Variants in SNX9 observed in about 807,000 individuals in gnomAD.
SNX9 encodes sorting nexin 9.
Under a neutral mutation model 89.4 loss-of-function variants are expected in SNX9, and 44 were observed. The observed-to-expected ratio is 0.49, with a 90% CI of 0.39 to 0.63. The LOEUF is 0.63. SNX9 is among the 30% of genes least tolerant of loss of function. The pLI, the probability that SNX9 is intolerant of heterozygous loss-of-function variation, is 0.00. For synonymous variants in SNX9, 236 were observed against 247.8 expected (o/e 0.95, Z 0.45); for missense variants, 578 against 736.1 (o/e 0.79, Z 2.49).
intron 1 of SNX9, among the ~76,000 whole-genome samples, chr6:157,862,351 A>T (rs1490854434): frequency 6.6e-6 from 1 of 152,140 alleles, no homozygotes; most frequent in Non-Finnish European, 1.5e-5. Flanking sequence ...ACAATTTTGT[A>T]AGTCATGAAT....
intron 9 of SNX9, among the ~76,000 whole-genome samples, chr6:157,913,841 T>A (rs1305156820): frequency 6.6e-6 from 1 of 152,240 alleles, no homozygotes; most frequent in Non-Finnish European, 1.5e-5. Flanking sequence ...GTTCTTTTCG[T>A]GGCCAATAGT....
intron 5 of SNX9, among the ~76,000 whole-genome samples, chr6:157,898,625 C>G (rs1783029255): frequency 6.6e-6 from 1 of 152,156 alleles, no homozygotes; most frequent in African/African-American, 2.4e-5. Context: ...AATACTGAGG[C>G]AGAAGAGAAA....
chr6:157,882,488 C>T (rs1379748474), intron 4 of SNX9, among the ~76,000 whole-genome samples: 1 of 152,130 alleles, frequency 6.6e-6, no homozygotes, highest in Non-Finnish European at 1.5e-5. Flanking sequence ...GCTATGGCTG[C>T]CATAAATAGT....
intron 15 of SNX9, among the ~76,000 whole-genome samples, chr6:157,938,042 G>C (rs1338122316): frequency 1.3e-5 from 2 of 152,232 alleles, no homozygotes; most frequent in Admixed American, 1.3e-4. Flanking sequence ...TAATGCATGA[G>C]TATAGAGTTG....
intron 1 of SNX9, among the ~76,000 whole-genome samples, chr6:157,840,797 T>C (rs760053419): frequency 1.8e-4 from 27 of 152,306 alleles, no homozygotes; most frequent in South Asian, 8.3e-4. Flanking sequence ...ACCTCTATTA[T>C]TTTGCATTCG....
chr6:157,851,085 A>G lies in SNX9; in HGVS notation c.13-16462A>G, dbSNP rs1781900565. On this transcript the variant is annotated intron_variant, in intron 1 of 17. Transcript: ENST00000392185. ...AACCTGGCCCACATGGTGAAACCCT[A>G]TTTCTACTAAAAATACAAAAAAATT... 2.0e-5 allele frequency among the ~76,000 whole-genome samples: 3 copies of G among 151,974 alleles called. No individual in the cohort carries two copies. In the South Asian group the frequency reaches 6.2e-4, roughly 32 times the overall value.
intron 1 of SNX9, among the ~76,000 whole-genome samples, chr6:157,866,956 G>T (rs1562598594): frequency 3.3e-5 from 5 of 151,754 alleles, no homozygotes. Context: ...TTGTTTGTTT[G>T]TTTTTTTAAG....
chr6:157,926,780 C>CAAAA (rs71027371), intron 10 of SNX9, among the ~76,000 whole-genome samples: 14 of 60,734 alleles, frequency 2.3e-4, no homozygotes, highest in African/African-American at 4.5e-4. Context: ...GACTCTGTCT[C>CAAAA]AAAAAAAAAA....
At chr6:157,861,443 C>T (rs147173520) in intron 1 of SNX9, among the ~76,000 whole-genome samples, 1 of 152,326 alleles carries the variant, frequency 6.6e-6, no homozygotes, top group East Asian at 1.9e-4. Context: ...GCGTGCTCAT[C>T]AGGCTTTCCG....
At chr6:157,869,161 G>A (rs188528235) in intron 2 of SNX9, among the ~76,000 whole-genome samples, 12 of 152,250 alleles carry the variant, frequency 7.9e-5, no homozygotes, top group African/African-American at 2.2e-4. Context: ...ACCTCTCCCC[G>A]GCCTCACTGG....
intron 4 of SNX9, among the ~76,000 whole-genome samples, chr6:157,880,990 C>T (rs538213377): frequency 1.3e-5 from 2 of 152,308 alleles, no homozygotes; most frequent in African/African-American, 4.8e-5. Context: ...ATAGTTATCT[C>T]ATATACCACT....
Position 157,909,906 on chromosome 6 carries a change from A to G in SNX9, c.832-2A>G, listed in dbSNP as rs2115179354. 1 of 1,613,694 alleles carries G rather than the reference A, an allele frequency of 6.2e-7. No homozygotes were observed. Among genetic ancestry groups the G allele is most frequent in the Non-Finnish European group, 8.5e-7 (1 of 1,179,748 alleles). On this transcript the variant is annotated splice_acceptor_variant, in intron 8 of 17. Transcript: ENST00000392185. LOFTEE classifies it high-confidence loss of function. ...ACCTTTTCTCTTTCCCTTATTTTGTAGAACACTAATCGATCTGTAAACCAC... is the reference window on the plus strand; with the variant it reads ...ACCTTTTCTCTTTCCCTTATTTTGTGGAACACTAATCGATCTGTAAACCAC...
At chr6:157,831,907 A>C (rs940058085) in intron 1 of SNX9, among the ~76,000 whole-genome samples, 2 of 152,228 alleles carry the variant, frequency 1.3e-5, no homozygotes, top group African/African-American at 4.8e-5. Context: ...GAATATGTGC[A>C]TGAAAGTGTT....
chr6:157,839,617 A>T (rs930537898), intron 1 of SNX9, among the ~76,000 whole-genome samples: 2 of 152,242 alleles, frequency 1.3e-5, no homozygotes, highest in Non-Finnish European at 2.9e-5. Context: ...AATAATTTAC[A>T]ACAAATTACA....
At chr6:157,865,722 C>T (rs1212012865) in intron 1 of SNX9, among the ~76,000 whole-genome samples, 1 of 152,226 alleles carries the variant, frequency 6.6e-6, no homozygotes, top group African/African-American at 2.4e-5. Flanking sequence ...TTCAAGATAG[C>T]ATTTTGGCTT....
chr6:157,916,885 T>G (rs974765056), intron 9 of SNX9, among the ~76,000 whole-genome samples: 2 of 152,220 alleles, frequency 1.3e-5, no homozygotes, highest in African/African-American at 4.8e-5. Flanking sequence ...TCTTGTAATT[T>G]GTTTGGTTTT....
chr6:157,865,354 A>AC (rs1225660717), intron 1 of SNX9, among the ~76,000 whole-genome samples: 1 of 150,168 alleles, frequency 6.7e-6, no homozygotes, highest in Non-Finnish European at 1.5e-5. Context: ...AAAAAAAAAA[A>AC]AAAAACACCA....
chr6:157,881,269 T>C (rs1373170004), intron 4 of SNX9, among the ~76,000 whole-genome samples: 2 of 152,200 alleles, frequency 1.3e-5, no homozygotes, highest in African/African-American at 4.8e-5. Flanking sequence ...GTTACTATTG[T>C]AATTGTTTTG....
At chr6:157,845,677 A>G (rs1583196502) in intron 1 of SNX9, among the ~76,000 whole-genome samples, 2 of 152,208 alleles carry the variant, frequency 1.3e-5, no homozygotes, top group African/African-American at 4.8e-5. Flanking sequence ...CATATTTTAT[A>G]CAAAGCATAG....
Sources: gnomAD v4.1 joint callset for allele counts (sites outside exome capture counted in the v4.1 genomes callset) on GRCh38, gnomAD v4.1.1 for gene constraint, MANE v1.5 for transcripts, NCBI Gene and HGNC (gene_info 2026-07-23, HGNC 2026-07-21) for gene names.